Variants in SORCS3 observed in about 807,000 individuals in gnomAD.
SORCS3 encodes the protein VPS10 domain-containing receptor SorCS3.
Under a neutral mutation model 146.3 loss-of-function variants are expected in SORCS3, and 57 were observed. That is an observed-to-expected ratio of 0.39 (90% CI 0.31 to 0.49). SORCS3 has a LOEUF of 0.49. SORCS3 is among the 20% of genes least tolerant of loss of function. The pLI, the probability that SORCS3 is intolerant of heterozygous loss-of-function variation, is 0.92. For missense variants in SORCS3, 1,341 were observed against 1,575.5 expected, an observed-to-expected ratio of 0.85 and a Z score of 2.52; for synonymous variants, 653 against 618.5, an observed-to-expected ratio of 1.06 and a Z score of -0.83.
chr10:104,920,086 A>C (rs2019072204), intron 3 of SORCS3, among the ~76,000 whole-genome samples: 1 of 152,222 alleles, frequency 6.6e-6, no homozygotes, highest in Non-Finnish European at 1.5e-5. Flanking sequence ...AAGATGGTTT[A>C]GATTTGGTTA....
At chr10:105,228,356 C>CTTTCTTTCTTTCTCTCT (rs1325635356) in intron 20 of SORCS3, among the ~76,000 whole-genome samples, 5 of 151,486 alleles carry the variant, frequency 3.3e-5, no homozygotes, top group African/African-American at 9.7e-5. Context: ...CTTTCTTTCC[C>CTTTCTTTCTTTCTCTCT]TTTCTTTCTT....
At chr10:105,067,401 C>A (rs2055529368) in intron 5 of SORCS3, among the ~76,000 whole-genome samples, 2 of 152,188 alleles carry the variant, frequency 1.3e-5, no homozygotes. Context: ...GTGGCAGGCG[C>A]CGGTATTCCC....
chr10:104,852,239 T>C (rs1337851328), intron 2 of SORCS3, among the ~76,000 whole-genome samples: 1 of 152,252 alleles, frequency 6.6e-6, no homozygotes, highest in African/African-American at 2.4e-5. Flanking sequence ...CTGTGGTCCC[T>C]AGTGGGTTTG....
At chr10:104,929,270 T>G (rs1452632986) in intron 3 of SORCS3, among the ~76,000 whole-genome samples, 1 of 151,934 alleles carries the variant, frequency 6.6e-6, no homozygotes, top group Non-Finnish European at 1.5e-5. Context: ...TGGCAGAGAG[T>G]AGGTATGACT....
At chr10:105,147,472 C>G in intron 8 of SORCS3, 145 bp from the exon 9 acceptor site, 1 of 595,814 alleles carries the variant, frequency 1.7e-6, no homozygotes, top group Non-Finnish European at 2.7e-6. Flanking sequence ...AATTTATAGC[C>G]TTGGTTCAAC....
At chr10:105,137,129 T>A (rs1026405175) in intron 7 of SORCS3, among the ~76,000 whole-genome samples, 8 of 152,120 alleles carry the variant, frequency 5.3e-5, no homozygotes, top group African/African-American at 1.7e-4. Context: ...TGCTATCATT[T>A]TGTTCCCTGT....
chr10:104,803,456 ATTGGG>A (rs1191759932), intron 1 of SORCS3, among the ~76,000 whole-genome samples: 1 of 152,148 alleles, frequency 6.6e-6, no homozygotes, highest in East Asian at 1.9e-4. Context: ...AGCACTGAGC[ATTGGG>A]ATTCCAAACC....
chr10:104,845,801 G>A (rs1285967257), intron 2 of SORCS3, among the ~76,000 whole-genome samples: 1 of 152,164 alleles, frequency 6.6e-6, no homozygotes. Flanking sequence ...CTGGGTGGTG[G>A]CATGAAGGGA....
chr10:104,698,806 G>T (rs772057225), intron 1 of SORCS3, among the ~76,000 whole-genome samples: 1 of 152,244 alleles, frequency 6.6e-6, no homozygotes, highest in Middle Eastern at 3.4e-3. Flanking sequence ...GTAATCAGTT[G>T]TCCATCATGA....
intron 1 of SORCS3, among the ~76,000 whole-genome samples, chr10:104,832,213 A>AG (rs1564693737): frequency 6.6e-6 from 1 of 152,200 alleles, no homozygotes; most frequent in African/African-American, 2.4e-5. Context: ...TGAAGACAAT[A>AG]GGGGCACTTG....
chr10:105,174,953 G>C (rs1320867410), intron 13 of SORCS3, among the ~76,000 whole-genome samples: 1 of 152,148 alleles, frequency 6.6e-6, no homozygotes, highest in Non-Finnish European at 1.5e-5. Flanking sequence ...GCTGTCCTGT[G>C]CTCTGCTCAT....
chr10:104,751,700 G>A (rs1031253090), intron 1 of SORCS3, among the ~76,000 whole-genome samples: 1 of 151,726 alleles, frequency 6.6e-6, no homozygotes, highest in African/African-American at 2.4e-5. Flanking sequence ...ATGACATTCT[G>A]TGATGAAAAC....
At chr10:104,653,227 A>G (rs1354017824) in intron 1 of SORCS3, among the ~76,000 whole-genome samples, 1 of 151,906 alleles carries the variant, frequency 6.6e-6, no homozygotes, top group Non-Finnish European at 1.5e-5. Context: ...CTTACAGAGA[A>G]CTCTGTTTTA....
At chr10:105,035,088 C>T (rs2055296967) in intron 4 of SORCS3, among the ~76,000 whole-genome samples, 1 of 152,136 alleles carries the variant, frequency 6.6e-6, no homozygotes, top group South Asian at 2.1e-4. Flanking sequence ...GTCACTGGCC[C>T]TATCCTCCTC....
intron 2 of SORCS3, among the ~76,000 whole-genome samples, chr10:104,844,276 C>G (rs1246541362): frequency 6.6e-6 from 1 of 152,124 alleles, no homozygotes; most frequent in Non-Finnish European, 1.5e-5. Context: ...TCCCTTCAAG[C>G]CCAAGCACAA....
chr10:105,061,660 A>T (rs1487850639), intron 5 of SORCS3, among the ~76,000 whole-genome samples: 1 of 151,836 alleles, frequency 6.6e-6, no homozygotes, highest in African/African-American at 2.4e-5. Context: ...CTCAAAAAAA[A>T]AAAAAAAAAG....
intron 1 of SORCS3, among the ~76,000 whole-genome samples, chr10:104,804,471 CT>C (rs2017659920): frequency 6.6e-6 from 1 of 152,168 alleles, no homozygotes; most frequent in South Asian, 2.1e-4. Context: ...GGTGCCCTCA[CT>C]TGCATGATTT....
chr10:104,758,716 A>G (rs1035524068), intron 1 of SORCS3, among the ~76,000 whole-genome samples: 4 of 152,114 alleles, frequency 2.6e-5, no homozygotes, highest in Non-Finnish European at 5.9e-5. Context: ...ACTTTGGGAT[A>G]TTGTGGCTCC....
intron 1 of SORCS3, among the ~76,000 whole-genome samples, chr10:104,825,882 C>T (rs1174490591): frequency 6.6e-6 from 1 of 152,286 alleles, no homozygotes; most frequent in East Asian, 1.9e-4. Context: ...CACTATTCAA[C>T]AGCCATTTTT....
Sources: allele counts gnomAD v4.1 joint callset (sites outside exome capture counted in the v4.1 genomes callset), GRCh38; gene constraint gnomAD v4.1.1; transcripts MANE v1.5; gene names NCBI Gene and HGNC (gene_info 2026-07-23, HGNC 2026-07-21).